The following SORCS1 variants were observed in gnomAD, a reference collection of about 807,000 sequenced individuals.
The protein encoded by SORCS1 is sortilin related VPS10 domain containing receptor 1.
A neutral mutation model predicts 146.1 loss-of-function variants in SORCS1; 60 were observed. The ratio of observed to expected loss-of-function variants is 0.41; its 90% CI spans 0.33 to 0.51. The LOEUF (loss-of-function observed/expected upper bound fraction) is 0.51. SORCS1 is among the 20% of genes least tolerant of loss of function. The probability of loss-of-function intolerance (pLI) is 0.21; values close to 1 mark genes in which losing one functional copy is unlikely to be tolerated. For missense variants in SORCS1, 1,352 were observed against 1,487.6 expected (o/e 0.91, Z 1.50); for synonymous variants, 637 against 584.0 (o/e 1.09, Z -1.31).
At chr10:107,178,648 C>T in the SORCS1 span, among the ~76,000 whole-genome samples, 6 of 151,922 alleles carry the variant, frequency 3.9e-5, no homozygotes, top group African/African-American at 1.5e-4. Context: ...GCCACCACAC[C>T]CAGCTAATTT....
intron 1 of SORCS1, among the ~76,000 whole-genome samples, chr10:107,058,686 C>T (rs1216444997): frequency 6.6e-6 from 1 of 152,124 alleles, no homozygotes; most frequent in African/African-American, 2.4e-5. Flanking sequence ...TAATACTTAT[C>T]TCATAGGGTG....
intron 1 of SORCS1, among the ~76,000 whole-genome samples, chr10:107,011,969 A>C (rs1018828646): frequency 2.6e-5 from 4 of 152,244 alleles, no homozygotes; most frequent in African/African-American, 9.6e-5. Context: ...AAAAGAAAAG[A>C]AAAGCCCACA....
chr10:107,000,651 G>A (rs941102875), intron 1 of SORCS1, among the ~76,000 whole-genome samples: 1 of 151,186 alleles, frequency 6.6e-6, no homozygotes, highest in Non-Finnish European at 1.5e-5. Context: ...CTGAATTTCT[G>A]TATGCTTCAA....
intron 1 of SORCS1, among the ~76,000 whole-genome samples, chr10:107,019,728 T>C (rs953998544): frequency 1.3e-5 from 2 of 152,264 alleles, no homozygotes; most frequent in African/African-American, 2.4e-5. Flanking sequence ...GGGCTGTACA[T>C]TTATTTCCAA....
chr10:106,748,841 T>G (rs573918635), intron 5 of SORCS1, among the ~76,000 whole-genome samples: 1 of 152,266 alleles, frequency 6.6e-6, no homozygotes, highest in African/African-American at 2.4e-5. Context: ...TTGATTATAT[T>G]GACTAATCCT....
chr10:106,919,401 A>G (rs1420485534), intron 2 of SORCS1, among the ~76,000 whole-genome samples: 1 of 152,002 alleles, frequency 6.6e-6, no homozygotes, highest in Non-Finnish European at 1.5e-5. Flanking sequence ...TGTGAGTTGT[A>G]CTCTTTTTCT....
At chr10:106,779,547 ATTTTT>A (rs11357093) in intron 3 of SORCS1, among the ~76,000 whole-genome samples, 3 of 84,840 alleles carry the variant, frequency 3.5e-5, no homozygotes, top group Non-Finnish European at 5.6e-5. Context: ...TATGGCCCAT[ATTTTT>A]TTTTTTTTTT....
At chr10:106,717,731 C>T (rs879621847) in intron 6 of SORCS1, among the ~76,000 whole-genome samples, 10 of 152,134 alleles carry the variant, frequency 6.6e-5, no homozygotes, top group African/African-American at 1.4e-4. Flanking sequence ...TGCCAAAAAC[C>T]GCAATTACCT....
At chr10:106,784,673 G>C (rs184189798) in intron 3 of SORCS1, among the ~76,000 whole-genome samples, 1 of 152,236 alleles carries the variant, frequency 6.6e-6, no homozygotes, top group African/African-American at 2.4e-5. Flanking sequence ...GCTGCTATCA[G>C]AAGGAGCCAT....
At chr10:107,127,180 A>T (rs1966759618) in intron 1 of SORCS1, among the ~76,000 whole-genome samples, 1 of 152,188 alleles carries the variant, frequency 6.6e-6, no homozygotes, top group African/African-American at 2.4e-5. Flanking sequence ...AAAGAGCTAG[A>T]TCTTGCCATT....
intron 2 of SORCS1, among the ~76,000 whole-genome samples, chr10:106,878,991 CA>C (rs1014143189): frequency 4.7e-5 from 7 of 149,418 alleles, no homozygotes; most frequent in East Asian, 3.9e-4. Context: ...ACTAAAAATA[CA>C]AAAAAAAAGT....
At chr10:106,888,168 G>A (rs540364467) in intron 2 of SORCS1, among the ~76,000 whole-genome samples, 40 of 152,254 alleles carry the variant, frequency 2.6e-4, no homozygotes, top group Non-Finnish European at 4.4e-4. Flanking sequence ...CCATTCTTCA[G>A]AAGCTGATTT....
intron 2 of SORCS1, among the ~76,000 whole-genome samples, chr10:106,850,496 A>T (rs1247616956): frequency 6.6e-6 from 1 of 152,000 alleles, no homozygotes; most frequent in Non-Finnish European, 1.5e-5. Flanking sequence ...GGCACTCCCT[A>T]GTGAGATGAA....
intron 1 of SORCS1, among the ~76,000 whole-genome samples, chr10:106,989,021 G>A (rs1476573828): frequency 2.0e-5 from 3 of 151,480 alleles, no homozygotes; most frequent in African/African-American, 7.3e-5. Context: ...AGCACTTTGA[G>A]AGGCTGAGGC....
chr10:107,142,772 C>A (rs1470629840), intron 1 of SORCS1, among the ~76,000 whole-genome samples: 3 of 152,090 alleles, frequency 2.0e-5, no homozygotes, highest in Non-Finnish European at 4.4e-5. Context: ...GGTTATGGAA[C>A]AGATAAGGCC....
chr10:106,950,196 A>C (rs1954601188), intron 2 of SORCS1, among the ~76,000 whole-genome samples: 1 of 152,246 alleles, frequency 6.6e-6, no homozygotes, highest in South Asian at 2.1e-4. Context: ...CGAAACAAAA[A>C]TCACCAACTT....
At chr10:106,623,243 C>CA (rs1188612860) in intron 19 of SORCS1, among the ~76,000 whole-genome samples, 1 of 135,932 alleles carries the variant, frequency 7.4e-6, no homozygotes, top group African/African-American at 2.7e-5. Context: ...CATATGTGAG[C>CA]TTTTTTTTTT....
At chr10:106,874,133 T>C (rs1349122025) in intron 2 of SORCS1, among the ~76,000 whole-genome samples, 1 of 152,188 alleles carries the variant, frequency 6.6e-6, no homozygotes, top group Non-Finnish European at 1.5e-5. Context: ...GAGATTTGCA[T>C]AACCACAGAA....
At chr10:107,159,940 CTATTCCTGAGGA>C (rs1969578319) in intron 1 of SORCS1, among the ~76,000 whole-genome samples, 1 of 152,008 alleles carries the variant, frequency 6.6e-6, no homozygotes, top group Non-Finnish European at 1.5e-5. Flanking sequence ...GAAAAGGAAT[CTATTCCTGAGGA>C]ACAACTGAGC....
Sources: gnomAD v4.1 joint callset for allele counts (sites outside exome capture counted in the v4.1 genomes callset) on GRCh38, gnomAD v4.1.1 for gene constraint, MANE v1.5 for transcripts, NCBI Gene and HGNC (gene_info 2026-07-23, HGNC 2026-07-21) for gene names.